Variants in SKP1 observed in about 807,000 individuals in gnomAD.
SKP1 encodes S-phase kinase associated protein 1, also known as S-phase kinase-associated protein 1.
In SKP1, 1 loss-of-function variant was observed where a neutral mutation model predicts 21.5. The observed-to-expected ratio is 0.05, with a 90% CI of 0.02 to 0.22. The LOEUF (loss-of-function observed/expected upper bound fraction) is 0.22, where lower values mean the gene tolerates loss of function less well. Among genes scored for constraint, SKP1 ranks in the 10% least tolerant of loss-of-function variants. The probability of loss-of-function intolerance (pLI) is 1.00; values close to 1 mark genes in which losing one functional copy is unlikely to be tolerated. For synonymous variants in SKP1, 59 were observed against 59.3 expected (o/e 0.99, Z 0.03); for missense variants, 70 against 192.0 (o/e 0.36, Z 3.76).
At chr5:134,173,189 G>A (rs752453939) in intron 2 of SKP1, among the ~76,000 whole-genome samples, 6 of 151,072 alleles carry the variant, frequency 4.0e-5, no homozygotes, top group South Asian at 2.1e-4. Context: ...AAAATTAGCC[G>A]GGCTTGGTGG....
chr5:134,150,002 C>T lies in SKP1; in HGVS notation c.*7731G>A, dbSNP rs1761020264. 1 of 152,192 alleles carries T rather than the reference C, an allele frequency of 6.6e-6. No homozygotes were observed. The highest frequency in any genetic ancestry group is 6.5e-5 in the Admixed American group (1 of 15,286). The allele number at this position is 152,192 out of a possible 1,614,324, so 9.4% of individuals were successfully genotyped here. On this transcript the variant is annotated 3_prime_UTR_variant, in exon 6 of 6. Coordinates refer to ENST00000353411, the MANE Select transcript of SKP1 (RefSeq NM_170679.3). ...TCCCCCTTCACTGCCAGCTGAGAACCAACCCTGTTTCCTGAGACATCATAA... is the reference window on the plus strand; with the variant it reads ...TCCCCCTTCACTGCCAGCTGAGAACTAACCCTGTTTCCTGAGACATCATAA...
At chr5:134,173,662 T>C (rs1361500011) in intron 2 of SKP1, 8 of 529,574 alleles carry the variant, frequency 1.5e-5, no homozygotes, top group South Asian at 4.8e-5. Flanking sequence ...AAATTAACCA[T>C]TGCCTAAGGC....
rs138298757 is a variant in SKP1, at chr5:134,154,961, C to T, written c.*2772G>A. ...TTGTTTTCATTATGCCCTGTACCTG[C>T]ATTTCACAAGGACTTTTCACTTCTG... On this transcript the variant is annotated 3_prime_UTR_variant, in exon 6 of 6. Coordinates refer to ENST00000353411, the MANE Select transcript of SKP1 (RefSeq NM_170679.3). The T allele has an allele frequency of 6.6e-6, 1 of 152,190 alleles. No individual in the cohort carries two copies. Among genetic ancestry groups the T allele is most frequent in the African/African-American group, 2.4e-5 (1 of 41,446 alleles). The allele number at this position is 152,190 out of a possible 1,614,324, so 9.4% of individuals were successfully genotyped here.
In SKP1 at chr5:134,156,319, A is replaced by G. The variant is rs1353022421; in HGVS notation, c.*1414T>C. ...AACCATTTTTAGCTCAAAGACTACAAAAACAGGCTATGGGCCTGATTTGAC... is the reference window on the plus strand; with the variant it reads ...AACCATTTTTAGCTCAAAGACTACAGAAACAGGCTATGGGCCTGATTTGAC... On this transcript the variant is annotated 3_prime_UTR_variant, in exon 6 of 6. Coordinates refer to ENST00000353411, the MANE Select transcript of SKP1 (RefSeq NM_170679.3). 3 of 152,202 alleles carry G rather than the reference A, an allele frequency of 2.0e-5. No individual in the cohort carries two copies. The highest frequency in any genetic ancestry group is 7.2e-5 in the African/African-American group (3 of 41,448). 9.4% of individuals were successfully genotyped at this position (152,202 alleles called of 1,614,324 possible).
chr5:134,173,111 TC>T, intron 2 of SKP1, among the ~76,000 whole-genome samples: 1 of 151,208 alleles, frequency 6.6e-6, no homozygotes, highest in Non-Finnish European at 1.5e-5. Context: ...GGTGGGCGGA[TC>T]ACCTGAGGTC....
chr5:134,164,245 G>A lies in SKP1; in HGVS notation c.171+2925C>T, dbSNP rs115743113. Among the ~76,000 whole-genome samples, 1,028 of 150,346 alleles carry A rather than the reference G, an allele frequency of 6.8e-3. 17 individuals are homozygous for A. The highest frequency in any genetic ancestry group is 0.022 in the African/African-American group (891 of 40,746). On this transcript the variant is annotated intron_variant, in intron 3 of 5. Transcript: ENST00000353411. Reference sequence around the variant, plus strand: ...GAAGCAGGAGAACTGCTTAAAGCCCGGAGGCAGAGGCTGCAGTGAGCCAAA... The same window carrying A: ...GAAGCAGGAGAACTGCTTAAAGCCCAGAGGCAGAGGCTGCAGTGAGCCAAA...
At chr5:134,174,434 T>C (rs1430270092) in intron 1 of SKP1, 4 of 958,150 alleles carry the variant, frequency 4.2e-6, no homozygotes, top group Non-Finnish European at 5.0e-6. Flanking sequence ...CTAAATAAGA[T>C]AGAAATTTTC....
chr5:134,149,511 T>C lies in SKP1; in HGVS notation c.*8222A>G, dbSNP rs1294669788. 6.6e-6 allele frequency: 1 copy of C among 152,268 alleles called. No homozygotes were observed. Among genetic ancestry groups the C allele is most frequent in the Non-Finnish European group, 1.5e-5 (1 of 68,046 alleles). 9.4% of individuals were successfully genotyped at this position (152,268 alleles called of 1,614,324 possible). A position where few individuals can be genotyped will look rare whatever the true frequency, so the allele number is the denominator to read the frequency against. The stretch of plus-strand genomic sequence containing the variant: ...TTGTCATTGTCACTCCACTGAGTTC[T>C]ATTTTTTGGATTTTGTGTTTAAAGT... On this transcript the variant is annotated 3_prime_UTR_variant, in exon 6 of 6. Transcript: ENST00000353411.
chr5:134,170,719 A>T, intron 2 of SKP1, among the ~76,000 whole-genome samples: 1 of 152,226 alleles, frequency 6.6e-6, no homozygotes, highest in East Asian at 1.9e-4. Context: ...GAATAACTTA[A>T]TTGTTGCTAA....
At chr5:134,172,219 C>G (rs1466731824) in intron 2 of SKP1, among the ~76,000 whole-genome samples, 1 of 152,234 alleles carries the variant, frequency 6.6e-6, no homozygotes, top group African/African-American at 2.4e-5. Context: ...TGACTTCCCT[C>G]CTAGTTTATA....
chr5:134,159,738 G>A (rs1402672219), intron 4 of SKP1, among the ~76,000 whole-genome samples: 5 of 152,132 alleles, frequency 3.3e-5, no homozygotes, highest in East Asian at 3.9e-4. Context: ...CAGTAGAGAC[G>A]GGGTTTCACC....
chr5:134,165,308 T>C (rs1205323234), intron 3 of SKP1, among the ~76,000 whole-genome samples: 5 of 152,022 alleles, frequency 3.3e-5, no homozygotes, highest in Admixed American at 3.3e-4. Context: ...ATGCAGAAAA[T>C]GTAAATGGCC....
chr5:134,175,914 G>A (rs1159085610), intron 1 of SKP1, among the ~76,000 whole-genome samples: 1 of 140,598 alleles, frequency 7.1e-6, no homozygotes, highest in Non-Finnish European at 1.5e-5. Context: ...GCATAAAGCG[G>A]GTTCTATCAC....
At position 134,157,482 on chromosome 5, in the gene SKP1, T is replaced by G. The variant is rs567215969; in HGVS notation, c.*251A>C. 5.1e-6 allele frequency: 2 copies of G among 395,528 alleles called. No individual in the cohort carries two copies. Among genetic ancestry groups the G allele is most frequent in the African/African-American group, 4.1e-5 (2 of 48,596 alleles). 24.5% of individuals were successfully genotyped at this position (395,528 alleles called of 1,614,324 possible). A position where few individuals can be genotyped will look rare whatever the true frequency, so the allele number is the denominator to read the frequency against. On this transcript the variant is annotated 3_prime_UTR_variant, in exon 6 of 6. Transcript: ENST00000353411. ...GAGGGAAAGCCCAAAATGCCACTTA[T>G]AGAGAACCCACAGTTCAGTTTTATT...
intron 2 of SKP1, chr5:134,173,493 A>C (rs533086443): frequency 3.6e-4 from 123 of 337,022 alleles, no homozygotes; most frequent in South Asian, 1.3e-3. Flanking sequence ...TGTCTCAAAT[A>C]AATCAATCAA....
chr5:134,167,608 C>T (rs541434069), intron 2 of SKP1, among the ~76,000 whole-genome samples: 2 of 151,888 alleles, frequency 1.3e-5, no homozygotes, highest in Admixed American at 6.6e-5. Context: ...CTGCAAGCTC[C>T]GCCTCCCGGG....
intron 3 of SKP1, among the ~76,000 whole-genome samples, chr5:134,162,660 T>C (rs1761241526): frequency 6.6e-6 from 1 of 152,212 alleles, no homozygotes; most frequent in African/African-American, 2.4e-5. Context: ...GTGCTGGGAT[T>C]ACAGGCGTGA....
chr5:134,172,351 A>C (rs1761457636), intron 2 of SKP1, among the ~76,000 whole-genome samples: 1 of 152,002 alleles, frequency 6.6e-6, no homozygotes, highest in African/African-American at 2.4e-5. Context: ...TACATAAAAA[A>C]CCTCTGACAT....
chr5:134,176,600 G>T (rs899149037), intron 1 of SKP1: 3 of 152,326 alleles, frequency 2.0e-5, no homozygotes, highest in African/African-American at 7.2e-5. Context: ...GGCCCAGCCC[G>T]GGGTTCGGCT....
Sources: allele counts gnomAD v4.1 joint callset (sites outside exome capture counted in the v4.1 genomes callset), GRCh38; gene constraint gnomAD v4.1.1; transcripts MANE v1.5; gene names NCBI Gene and HGNC (gene_info 2026-07-23, HGNC 2026-07-21).